Variants in BORCS5 observed in about 807,000 individuals in gnomAD.
BORCS5 encodes the protein BLOC-1-related complex subunit 5.
Under a neutral mutation model 22.1 loss-of-function variants are expected in BORCS5, and 17 were observed. That is an observed-to-expected ratio of 0.77 (90% CI 0.53 to 1.15). The LOEUF (loss-of-function observed/expected upper bound fraction) is 1.15, where lower values mean the gene tolerates loss of function less well. Ranked by LOEUF, BORCS5 falls within the 50% of genes most tolerant of loss-of-function variation. BORCS5 has a pLI of 0.00. For synonymous variants in BORCS5, 117 were observed against 99.8 expected, an observed-to-expected ratio of 1.17 and a Z score of -1.03; for missense variants, 247 against 253.2, an observed-to-expected ratio of 0.98 and a Z score of 0.17.
chr12:12,450,510 ATTTT>A (rs973697899), intron 3 of BORCS5, among the ~76,000 whole-genome samples: 1 of 151,922 alleles, frequency 6.6e-6, no homozygotes, highest in Non-Finnish European at 1.5e-5. Context: ...GTAATTTATT[ATTTT>A]TTTTATTAGA....
intron 2 of BORCS5, among the ~76,000 whole-genome samples, chr12:12,379,351 G>A (rs1863727373): frequency 6.6e-6 from 1 of 151,298 alleles, no homozygotes; most frequent in Non-Finnish European, 1.5e-5. Context: ...CTGGCCTCAG[G>A]TGATCCGCCT....
chr12:12,427,402 G>C (rs577693740), intron 2 of BORCS5, among the ~76,000 whole-genome samples: 1 of 151,926 alleles, frequency 6.6e-6, no homozygotes, highest in African/African-American at 2.4e-5. Context: ...GGATGGTCTC[G>C]ATATCCTGAC....
intron 2 of BORCS5, among the ~76,000 whole-genome samples, chr12:12,380,496 T>C (rs1863752894): frequency 6.6e-6 from 1 of 151,500 alleles, no homozygotes; most frequent in South Asian, 2.1e-4. Flanking sequence ...TTCTGGACAC[T>C]TCATCTAAAT....
chr12:12,377,053 C>A (rs908051026), intron 2 of BORCS5, among the ~76,000 whole-genome samples: 1 of 152,180 alleles, frequency 6.6e-6, no homozygotes, highest in Admixed American at 6.6e-5. Flanking sequence ...ACAAATCTTA[C>A]TACCGGAGGA....
chr12:12,419,359 G>A (rs11829916), intron 2 of BORCS5, among the ~76,000 whole-genome samples: 2 of 151,904 alleles, frequency 1.3e-5, no homozygotes, highest in Non-Finnish European at 2.9e-5. Context: ...CCATGTCCCT[G>A]CAAAGGACAT....
chr12:12,373,760 C>T (rs1178413003), intron 2 of BORCS5, among the ~76,000 whole-genome samples: 1 of 152,012 alleles, frequency 6.6e-6, no homozygotes, highest in Non-Finnish European at 1.5e-5. Context: ...CCTTTAGGAC[C>T]TTATTGTTTT....
At chr12:12,399,448 G>T (rs714480) in intron 2 of BORCS5, among the ~76,000 whole-genome samples, 25,500 of 152,052 alleles carry the variant, frequency 0.17, 3,162 homozygotes, top group African/African-American at 0.35. Context: ...TTGCAGGTAA[G>T]GTAGAGGGGA....
At chr12:12,455,055 C>T (rs1942974153) in intron 3 of BORCS5, among the ~76,000 whole-genome samples, 1 of 152,226 alleles carries the variant, frequency 6.6e-6, no homozygotes. Flanking sequence ...TTGTTACTGA[C>T]TTCAGAATGT....
At chr12:12,415,957 G>A (rs935773959) in intron 2 of BORCS5, among the ~76,000 whole-genome samples, 2 of 152,112 alleles carry the variant, frequency 1.3e-5, no homozygotes, top group Admixed American at 1.3e-4. Flanking sequence ...CAGTTCCAGG[G>A]CTTTTCTTTA....
At chr12:12,424,159 G>A (rs1942219424) in intron 2 of BORCS5, among the ~76,000 whole-genome samples, 1 of 151,566 alleles carries the variant, frequency 6.6e-6, no homozygotes. Context: ...TTTCCTTTTG[G>A]GACTCCCACA....
chr12:12,368,475 T>C (rs1863452652), intron 2 of BORCS5, among the ~76,000 whole-genome samples: 2 of 152,080 alleles, frequency 1.3e-5, no homozygotes, highest in African/African-American at 4.8e-5. Flanking sequence ...GATGGGGTCT[T>C]GATCTGTCAT....
At chr12:12,448,339 C>A (rs1189433943) in intron 3 of BORCS5, among the ~76,000 whole-genome samples, 1 of 152,056 alleles carries the variant, frequency 6.6e-6, no homozygotes, top group Admixed American at 6.5e-5. Flanking sequence ...TCTCAGCTTC[C>A]CAAGTAGCTG....
chr12:12,422,556 G>A (rs1365182745), intron 2 of BORCS5, among the ~76,000 whole-genome samples: 4 of 151,924 alleles, frequency 2.6e-5, no homozygotes, highest in Admixed American at 6.6e-5. Context: ...AGCCGAGATC[G>A]TGGCACTGCA....
intron 3 of BORCS5, among the ~76,000 whole-genome samples, chr12:12,451,486 A>G (rs1412736704): frequency 1.3e-5 from 2 of 150,554 alleles, no homozygotes; most frequent in African/African-American, 2.4e-5. Context: ...GTAGTAGCCA[A>G]TACATAGAGG....
chr12:12,381,757 G>A (rs1863779546), intron 2 of BORCS5, among the ~76,000 whole-genome samples: 1 of 151,460 alleles, frequency 6.6e-6, no homozygotes, highest in African/African-American at 2.4e-5. Flanking sequence ...ATAGTCTGCA[G>A]TCATTGGGTA....
intron 2 of BORCS5, among the ~76,000 whole-genome samples, chr12:12,379,652 C>T (rs1863734338): frequency 2.0e-5 from 3 of 151,398 alleles, no homozygotes; most frequent in African/African-American, 2.4e-5. Flanking sequence ...AGTGGGTTCC[C>T]TTGAAGACCC....
At chr12:12,381,011 A>ATT (rs530930947) in intron 2 of BORCS5, among the ~76,000 whole-genome samples, 3,951 of 122,164 alleles carry the variant, frequency 0.032, 313 homozygotes, top group African/African-American at 0.11. Context: ...TTTTTGGGGG[A>ATT]TTTTTTTTTT....
chr12:12,359,687 AG>A (rs1177190997), intron 1 of BORCS5, among the ~76,000 whole-genome samples: 6 of 150,660 alleles, frequency 4.0e-5, no homozygotes, highest in African/African-American at 9.7e-5. Flanking sequence ...AAAAAAAAAA[AG>A]AGTGAGGAGG....
At chr12:12,386,298 G>A (rs1270575899) in intron 2 of BORCS5, among the ~76,000 whole-genome samples, 1 of 149,946 alleles carries the variant, frequency 6.7e-6, no homozygotes, top group African/African-American at 2.5e-5. Flanking sequence ...ACTGTGCCTG[G>A]CCCCCCATTT....
Sources: allele counts gnomAD v4.1 joint callset (sites outside exome capture counted in the v4.1 genomes callset), GRCh38; gene constraint gnomAD v4.1.1; transcripts MANE v1.5; gene names NCBI Gene and HGNC (gene_info 2026-07-23, HGNC 2026-07-21).